The following SLC67A1 variants were observed in gnomAD, a reference collection of about 807,000 sequenced individuals.
SLC67A1 encodes the protein solute carrier family 67 member A1.
At chr11:2,908,680 A>C in the SLC67A1 span, among the ~76,000 whole-genome samples, 1 of 152,158 alleles carries the variant, frequency 6.6e-6, no homozygotes, top group Non-Finnish European at 1.5e-5. Flanking sequence ...ACTGAGCTTG[A>C]GAGAGGACAG....
chr11:2,916,680 T>C, the SLC67A1 span: 7 of 1,612,876 alleles, frequency 4.3e-6, no homozygotes, highest in African/African-American at 1.3e-5. Flanking sequence ...TGTCCTCAGC[T>C]TCACCTGCAT....
chr11:2,899,890 A>C, the SLC67A1 span: 1 of 597,812 alleles, frequency 1.7e-6, no homozygotes, highest in Non-Finnish European at 2.8e-6. Context: ...TTGGTAACTC[A>C]TCCCATCTCC....
At chr11:2,911,620 G>A in the SLC67A1 span, among the ~76,000 whole-genome samples, 12 of 152,250 alleles carry the variant, frequency 7.9e-5, no homozygotes, top group South Asian at 2.1e-4. Flanking sequence ...GGGCCCAGCC[G>A]CCTGCTGCCG....
chr11:2,900,684 C>T, the SLC67A1 span, among the ~76,000 whole-genome samples: 2 of 73,396 alleles, frequency 2.7e-5, no homozygotes, highest in Non-Finnish European at 6.0e-5. Context: ...CAGAGCAAGA[C>T]TCCGTCTCAA....
chr11:2,911,165 G>A, the SLC67A1 span, among the ~76,000 whole-genome samples: 1 of 152,162 alleles, frequency 6.6e-6, no homozygotes, highest in Admixed American at 6.5e-5. Context: ...AGTGCCAGCC[G>A]CAGAAGCCTC....
At chr11:2,919,263 C>T in the SLC67A1 span, 6 of 1,450,538 alleles carry the variant, frequency 4.1e-6, no homozygotes, top group East Asian at 2.3e-5. Context: ...GCGCCAAGGT[C>T]GGGGTGTGGG....
At chr11:2,908,084 C>A in the SLC67A1 span, 1 of 605,730 alleles carries the variant, frequency 1.7e-6, no homozygotes, top group Non-Finnish European at 2.9e-6. Context: ...GCAGGGTCCC[C>A]CTGGGAAGGG....
the SLC67A1 span, chr11:2,924,906 G>T: frequency 9.5e-7 from 1 of 1,051,586 alleles, no homozygotes. The surrounding 1 kb of genome is among the most constrained non-coding windows in gnomAD (Gnocchi z 8.6). Flanking sequence ...GCGCCGTGAG[G>T]TCAGGGTGGG....
chr11:2,917,852 C>A, the SLC67A1 span: 3 of 630,408 alleles, frequency 4.8e-6, no homozygotes, highest in African/African-American at 1.8e-5. Context: ...CACAAGTGAG[C>A]GGTGCTGAAG....
the SLC67A1 span, chr11:2,916,851 C>A: frequency 3.5e-6 from 3 of 850,880 alleles, no homozygotes; most frequent in Non-Finnish European, 5.9e-6. Context: ...AATCTGGGGG[C>A]TACTCACACC....
At chr11:2,915,300 CATGTG>C in the SLC67A1 span, 5 of 896,370 alleles carry the variant, frequency 5.6e-6, no homozygotes, top group Non-Finnish European at 6.7e-6. Flanking sequence ...TGTGTGTGCG[CATGTG>C]GCTGCGGTGA....
chr11:2,923,734 G>C, the SLC67A1 span, among the ~76,000 whole-genome samples: 1 of 152,202 alleles, frequency 6.6e-6, no homozygotes, highest in Non-Finnish European at 1.5e-5. This position sits in a 1 kb window ranked among gnomAD's most constrained non-coding sequence, Gnocchi z 6.5. Context: ...GACCCGGCCT[G>C]GCTGGGAAGA....
the SLC67A1 span, chr11:2,917,840 CCCA>C: frequency 1.6e-6 from 1 of 614,316 alleles, no homozygotes; most frequent in East Asian, 2.9e-5. Context: ...AGCTCCCATT[CCCA>C]CAAGTGAGCG....
At chr11:2,903,310 G>T in the SLC67A1 span, 2 of 1,600,148 alleles carry the variant, frequency 1.2e-6, no homozygotes, top group East Asian at 4.5e-5. Flanking sequence ...CTCCTGCTTG[G>T]ATCTCTCCTG....
At chr11:2,916,860 C>A in the SLC67A1 span, 1 of 805,480 alleles carries the variant, frequency 1.2e-6, no homozygotes, top group Non-Finnish European at 2.1e-6. Flanking sequence ...GCTACTCACA[C>A]CCTCCTGCCT....
the SLC67A1 span, among the ~76,000 whole-genome samples, chr11:2,924,332 C>T: frequency 6.6e-6 from 1 of 152,102 alleles, no homozygotes; most frequent in Non-Finnish European, 1.5e-5. This position sits in a 1 kb window ranked among gnomAD's most constrained non-coding sequence, Gnocchi z 8.6. Context: ...AAAGCCCCTC[C>T]CAGCCCTGTG....
At chr11:2,910,472 G>A in the SLC67A1 span, among the ~76,000 whole-genome samples, 1 of 152,184 alleles carries the variant, frequency 6.6e-6, no homozygotes, top group Non-Finnish European at 1.5e-5. Flanking sequence ...TGAAGCAGGA[G>A]AGGGAGGCAA....
the SLC67A1 span, among the ~76,000 whole-genome samples, chr11:2,907,355 C>T: frequency 1.9e-4 from 29 of 152,310 alleles, no homozygotes; most frequent in East Asian, 4.8e-3. The surrounding 1 kb of genome is among the most constrained non-coding windows in gnomAD (Gnocchi z 6.7). Context: ...CTGAAACCCA[C>T]GGGGGAGGAT....
At chr11:2,918,150 C>A in the SLC67A1 span, 1 of 1,405,608 alleles carries the variant, frequency 7.1e-7, no homozygotes, top group Non-Finnish European at 1.0e-6. Context: ...GTCCCAGCTG[C>A]GGCCAGGGCC....
Sources: allele counts gnomAD v4.1 joint callset (sites outside exome capture counted in the v4.1 genomes callset), GRCh38; gene constraint gnomAD v4.1.1; non-coding constraint Gnocchi (gnomAD v3.1); transcripts MANE v1.5; gene names NCBI Gene and HGNC (gene_info 2026-07-23, HGNC 2026-07-21).